The following P4HB variants were observed in gnomAD, a reference collection of about 807,000 sequenced individuals.
P4HB encodes the protein prolyl 4-hydroxylase subunit beta.
Under a neutral mutation model 52.6 loss-of-function variants are expected in P4HB, and 20 were observed. The observed-to-expected ratio is 0.38, with a 90% CI of 0.27 to 0.55. The LOEUF (loss-of-function observed/expected upper bound fraction) is 0.55, where lower values mean the gene tolerates loss of function less well. Among genes scored for constraint, P4HB ranks in the 20% least tolerant of loss-of-function variants. P4HB has a pLI of 0.74. For missense variants in P4HB, 601 were observed against 669.2 expected, an observed-to-expected ratio of 0.90 and a Z score of 1.12; for synonymous variants, 296 against 277.9, an observed-to-expected ratio of 1.07 and a Z score of -0.65.
At chr17:81,850,988 G>A (rs997765411) in intron 4 of P4HB, among the ~76,000 whole-genome samples, 2 of 151,488 alleles carry the variant, frequency 1.3e-5, no homozygotes, top group African/African-American at 4.9e-5. Context: ...CTGGAGTGCA[G>A]TGGTGCTTCT....
At position 81,855,541 on chromosome 17, in the gene P4HB, G is replaced by C. The variant is rs142762202; in HGVS notation, c.398C>G (p.Thr133Arg). ...DDIVNWLKKR[T>R]GPAATTLPDG... ...AGGCAGGGTGGTGGCAGCCGGGCCCGTGCGCTTCTTCAGCCAGTTCACGAT... is the reference window on the plus strand; with the variant it reads ...AGGCAGGGTGGTGGCAGCCGGGCCCCTGCGCTTCTTCAGCCAGTTCACGAT... The change falls in exon 3 of 11, where the codon ACG becomes AGG. Residue 133 changes from threonine to arginine, a missense_variant. Coordinates refer to ENST00000331483, the MANE Select transcript of P4HB (RefSeq NM_000918.4). This position sits in a 1 kb window ranked among gnomAD's most constrained non-coding sequence, Gnocchi z 4.3. The C allele has an allele frequency of 6.2e-7, 1 of 1,613,916 alleles. No homozygotes were observed. The highest frequency in any genetic ancestry group is 1.7e-5 in the Admixed American group (1 of 60,012).
In P4HB at chr17:81,855,256, C is replaced by T; in HGVS notation, c.510G>A (p.Lys170=). Residue 170 remains lysine (K), a synonymous_variant, in exon 4 of 11, where the codon AAG becomes AAA. Transcript: ENST00000331483. The surrounding 1 kb of genome is among the most constrained non-coding windows in gnomAD (Gnocchi z 4.3). ...TGGCCTCTGCTGCCTGCAAAAACTG[C>T]TTGGCAGAGTCCGACTCCACGTCCT... is the stretch of plus-strand genomic sequence containing the variant. ...FFKDVESDSA[K]QFLQAAEAID... The T allele has an allele frequency of 1.2e-6, 2 of 1,613,952 alleles. No homozygotes were observed. Among genetic ancestry groups the T allele is most frequent in the Non-Finnish European group, 1.7e-6 (2 of 1,179,978 alleles).
Position 81,859,619 on chromosome 17 carries a change from C to T in P4HB, c.146-232G>A, listed in dbSNP as rs1313976515. 8.7e-5 allele frequency: 49 copies of T among 563,768 alleles called. 1 individual carries two copies. Among genetic ancestry groups the T allele is most frequent in the Non-Finnish European group, 1.9e-5 (6 of 314,410 alleles). The allele number at this position is 563,768 out of a possible 1,614,324, so 34.9% of individuals were successfully genotyped here. A position where few individuals can be genotyped will look rare whatever the true frequency, so the allele number is the denominator to read the frequency against. ...CCACCAACCAACACCAGCCCCCACTCTGCTATGTCACCATCAGCACAGCCA... is the reference window on the plus strand; with the variant it reads ...CCACCAACCAACACCAGCCCCCACTTTGCTATGTCACCATCAGCACAGCCA... On this transcript the variant is annotated intron_variant, in intron 1 of 10. Coordinates refer to ENST00000331483, the MANE Select transcript of P4HB (RefSeq NM_000918.4).
In P4HB at chr17:81,844,036, C is replaced by G; in HGVS notation, c.1503G>C (p.Gln501His). The change falls in exon 11 of 11, where the codon CAG becomes CAC. Residue 501 changes from glutamine to histidine, a missense_variant. Transcript: ENST00000331483. ...EEPDMEEDDD[Q>H]KAVKDEL ...ATTACAGTTCATCTTTCACAGCTTT[C>G]TGATCATCGTCTTCCTCCATGTCTG... 1 of 1,613,848 alleles carries G rather than the reference C, an allele frequency of 6.2e-7. No individual in the cohort carries two copies. Among genetic ancestry groups the G allele is most frequent in the Non-Finnish European group, 8.5e-7 (1 of 1,179,758 alleles).
At chr17:81,854,657 C>T (rs1279741603) in intron 4 of P4HB, among the ~76,000 whole-genome samples, 1 of 151,748 alleles carries the variant, frequency 6.6e-6, no homozygotes, top group Non-Finnish European at 1.5e-5. Context: ...CCATCCTGGC[C>T]AAAATGGTGA....
At position 81,846,657 on chromosome 17, in the gene P4HB, T is replaced by TG; in HGVS notation, c.856-29dup. 2.5e-6 allele frequency: 4 copies of TG among 1,603,518 alleles called. No homozygotes were observed. The highest frequency in any genetic ancestry group is 3.4e-6 in the Non-Finnish European group (4 of 1,172,818). Reference sequence around the variant, plus strand: ...GGGGGAGAAAAGGAGGTTGCACAGGTGCGGGAGACGGCTGGCCTCTGCCTC... The same window carrying TG: ...GGGGGAGAAAAGGAGGTTGCACAGGTGGCGGGAGACGGCTGGCCTCTGCCTC... On this transcript the variant is annotated intron_variant, in intron 6 of 10. Coordinates refer to ENST00000331483, the MANE Select transcript of P4HB (RefSeq NM_000918.4). The surrounding 1 kb of genome is among the most constrained non-coding windows in gnomAD (Gnocchi z 5.7).
At position 81,860,428 on chromosome 17, in the gene P4HB, A is replaced by G; in HGVS notation, c.44T>C (p.Val15Ala). ...CTCCTCCTCGGGGGCGTCGGCGCGC[A>G]CCAGGGCGGCCACGGCCAGGCACAG... ...ALLCLAVAAL[V>A]RADAPEEEDH... The change falls in exon 1 of 11, where the codon GTG becomes GCG. Residue 15 changes from valine to alanine, a missense_variant. Coordinates refer to ENST00000331483, the MANE Select transcript of P4HB (RefSeq NM_000918.4). 1 of 1,419,604 alleles carries G rather than the reference A, an allele frequency of 7.0e-7. No homozygotes were observed. Among genetic ancestry groups the G allele is most frequent in the Non-Finnish European group, 9.2e-7 (1 of 1,082,580 alleles). 87.9% of individuals were successfully genotyped at this position (1,419,604 alleles called of 1,614,324 possible). A position where few individuals can be genotyped will look rare whatever the true frequency, so the allele number is the denominator to read the frequency against.
intron 2 of P4HB, among the ~76,000 whole-genome samples, chr17:81,858,434 C>T (rs2038948422): frequency 6.6e-6 from 1 of 152,136 alleles, no homozygotes; most frequent in South Asian, 2.1e-4. Context: ...CAGGACAGGG[C>T]ACACCTGCTT....
At chr17:81,847,097 G>A (rs2038747030) in intron 5 of P4HB, 25 bp from the exon 6 acceptor site, 1 of 1,613,572 alleles carries the variant, frequency 6.2e-7, no homozygotes, top group African/African-American at 1.3e-5. Flanking sequence ...TAAGTTACTG[G>A]GTCTGAGTCA....
In P4HB at chr17:81,843,891, G is replaced by A; in HGVS notation, c.*121C>T. On this transcript the variant is annotated 3_prime_UTR_variant, in exon 11 of 11. Transcript: ENST00000331483. ...AGGGGTGAGGTGTCACTTCAGAGAG[G>A]TTCCCTGGGTTTCCGGCGACGCCCT... 1.3e-6 allele frequency: 1 copy of A among 761,680 alleles called. No individual in the cohort carries two copies. The highest frequency in any genetic ancestry group is 2.4e-6 in the Non-Finnish European group (1 of 420,522). 47.2% of individuals were successfully genotyped at this position (761,680 alleles called of 1,614,324 possible).
Position 81,846,286 on chromosome 17 carries a change from G to A in P4HB, c.1056+143C>T. The A allele has an allele frequency of 3.8e-6, 3 of 793,372 alleles. No homozygotes were observed. The highest frequency in any genetic ancestry group is 2.3e-5 in the Admixed American group (1 of 44,288). 49.1% of individuals were successfully genotyped at this position (793,372 alleles called of 1,614,324 possible). On this transcript the variant is annotated intron_variant, in intron 7 of 10. Transcript: ENST00000331483. This position sits in a 1 kb window ranked among gnomAD's most constrained non-coding sequence, Gnocchi z 5.7. ...GGTCCCCAAAGGTGTGACAAGAATGGTGGTCTTCACACCATCTTGGGCTCC... is the reference window on the plus strand; with the variant it reads ...GGTCCCCAAAGGTGTGACAAGAATGATGGTCTTCACACCATCTTGGGCTCC...
At chr17:81,859,023 C>T in intron 2 of P4HB, 158 bp downstream of exon 2, 1 of 637,916 alleles carries the variant, frequency 1.6e-6, no homozygotes, top group Non-Finnish European at 2.8e-6. Context: ...ACAAGACCCT[C>T]AGGGCACAAG....
At chr17:81,853,502 A>T (rs1255014273) in intron 4 of P4HB, among the ~76,000 whole-genome samples, 2 of 151,896 alleles carry the variant, frequency 1.3e-5, no homozygotes, top group Non-Finnish European at 2.9e-5. Flanking sequence ...TGAACCCGTG[A>T]GGCGGAGCTT....
intron 4 of P4HB, among the ~76,000 whole-genome samples, chr17:81,848,160 A>G (rs1417173044): frequency 1.3e-5 from 2 of 152,130 alleles, no homozygotes; most frequent in African/African-American, 4.8e-5. Flanking sequence ...TCGGCCTCCC[A>G]AAGTGCTGGG....
At chr17:81,856,460 C>T (rs1035521587) in intron 2 of P4HB, among the ~76,000 whole-genome samples, 5 of 151,584 alleles carry the variant, frequency 3.3e-5, no homozygotes, top group Non-Finnish European at 7.4e-5. Context: ...GCCTGACCCT[C>T]CCGCGTAGCT....
chr17:81,845,774 G>A, intron 8 of P4HB, 32 bp from the exon 9 acceptor site: 1 of 1,612,506 alleles, frequency 6.2e-7, no homozygotes, highest in Non-Finnish European at 8.5e-7. Flanking sequence ...GGTGTGTCCT[G>A]GACACAAAGC....
Position 81,846,696 on chromosome 17 carries a change from G to T in P4HB, c.856-67C>A. On this transcript the variant is annotated intron_variant, in intron 6 of 10. Coordinates refer to ENST00000331483, the MANE Select transcript of P4HB (RefSeq NM_000918.4). The surrounding 1 kb of genome is among the most constrained non-coding windows in gnomAD (Gnocchi z 5.7). ...GGCCTCTGCCTCCAGCCCTGACTTT[G>T]CTCGGAAGCAGACCGTGCTCCGGTG... The T allele has an allele frequency of 6.6e-7, 1 of 1,504,564 alleles. No individual in the cohort carries two copies. The highest frequency in any genetic ancestry group is 9.2e-7 in the Non-Finnish European group (1 of 1,092,150). 93.2% of individuals were successfully genotyped at this position (1,504,564 alleles called of 1,614,324 possible). A position where few individuals can be genotyped will look rare whatever the true frequency, so the allele number is the denominator to read the frequency against.
Position 81,846,299 on chromosome 17 carries a change from C to T in P4HB, c.1056+130G>A. The T allele has an allele frequency of 1.2e-6, 1 of 869,146 alleles. No homozygotes were observed. The highest frequency in any genetic ancestry group is 1.8e-6 in the Non-Finnish European group (1 of 549,056). The allele number at this position is 869,146 out of a possible 1,614,324, so 53.8% of individuals were successfully genotyped here. ...GTGACAAGAATGGTGGTCTTCACAC[C>T]ATCTTGGGCTCCGTCCTCTTACTCT... On this transcript the variant is annotated intron_variant, in intron 7 of 10. Coordinates refer to ENST00000331483, the MANE Select transcript of P4HB (RefSeq NM_000918.4). This position sits in a 1 kb window ranked among gnomAD's most constrained non-coding sequence, Gnocchi z 5.7.
At chr17:81,850,356 G>C (rs1449626258) in intron 4 of P4HB, among the ~76,000 whole-genome samples, 1 of 151,166 alleles carries the variant, frequency 6.6e-6, no homozygotes, top group Non-Finnish European at 1.5e-5. Context: ...GGCTGGTCTT[G>C]AACTCCCGAC....
Sources: gnomAD v4.1 joint callset for allele counts (sites outside exome capture counted in the v4.1 genomes callset) on GRCh38, gnomAD v4.1.1 for gene constraint, Gnocchi (gnomAD v3.1) non-coding constraint, MANE v1.5 for transcripts, NCBI Gene and HGNC (gene_info 2026-07-23, HGNC 2026-07-21) for gene names.